Variants in BLTP1 observed in about 807,000 individuals in gnomAD.
BLTP1 encodes the protein fragile site-associated protein.
chr4:122,268,132 G>C, the BLTP1 span, among the ~76,000 whole-genome samples: 1 of 151,944 alleles, frequency 6.6e-6, no homozygotes, highest in Non-Finnish European at 1.5e-5. Context: ...GACATTGACA[G>C]TATTTGTAAA....
the BLTP1 span, among the ~76,000 whole-genome samples, chr4:122,182,116 A>G: frequency 6.6e-6 from 1 of 152,178 alleles, no homozygotes; most frequent in Admixed American, 6.6e-5. Flanking sequence ...AAAAATTATA[A>G]TATTTCTATT....
the BLTP1 span, chr4:122,257,233 A>C: frequency 6.2e-7 from 1 of 1,610,254 alleles, no homozygotes; most frequent in Non-Finnish European, 8.5e-7. Context: ...GATTACTTCT[A>C]ACCACATGAT....
At chr4:122,158,940 G>A in the BLTP1 span, among the ~76,000 whole-genome samples, 2 of 152,104 alleles carry the variant, frequency 1.3e-5, no homozygotes, top group South Asian at 4.1e-4. Flanking sequence ...AACCATTTTT[G>A]TAGCATAGAT....
the BLTP1 span, chr4:122,251,586 GCTGAGA>G: frequency 1.0e-6 from 1 of 985,150 alleles, no homozygotes. Context: ...GGACAAAAGA[GCTGAGA>G]AAAGCCTAGC....
chr4:122,224,461 C>G, the BLTP1 span: 1 of 1,580,266 alleles, frequency 6.3e-7, no homozygotes, highest in Non-Finnish European at 8.6e-7. Context: ...ATGTGATTTT[C>G]TTATACATTT....
the BLTP1 span, among the ~76,000 whole-genome samples, chr4:122,216,893 G>C: frequency 6.6e-6 from 1 of 151,966 alleles, no homozygotes; most frequent in African/African-American, 2.4e-5. Context: ...TTATGGTTTC[G>C]TGTCTTAGAT....
chr4:122,339,131 C>A, the BLTP1 span: 1 of 1,457,748 alleles, frequency 6.9e-7, no homozygotes, highest in Non-Finnish European at 9.3e-7. Flanking sequence ...TTTATTTGAA[C>A]ATTTCAATAT....
chr4:122,280,542 A>G, the BLTP1 span, among the ~76,000 whole-genome samples: 1 of 152,044 alleles, frequency 6.6e-6, no homozygotes, highest in Non-Finnish European at 1.5e-5. Flanking sequence ...AGGCATCTGT[A>G]ATCCCAACTA....
At chr4:122,292,668 A>T in the BLTP1 span, 2 of 785,094 alleles carry the variant, frequency 2.5e-6, no homozygotes, top group Non-Finnish European at 3.1e-6. Flanking sequence ...GATAATTAAA[A>T]AGCATGAATA....
At chr4:122,305,272 A>G in the BLTP1 span, 6 of 975,722 alleles carry the variant, frequency 6.1e-6, no homozygotes, top group Non-Finnish European at 7.3e-6. Context: ...TTTATTTCAA[A>G]GTCTTGTGCT....
At chr4:122,242,294 T>TA in the BLTP1 span, among the ~76,000 whole-genome samples, 1 of 152,020 alleles carries the variant, frequency 6.6e-6, no homozygotes, top group South Asian at 2.1e-4. Context: ...TCTTCTGCCA[T>TA]AAAAAAAGTA....
At chr4:122,236,962 G>T in the BLTP1 span, 1 of 985,268 alleles carries the variant, frequency 1.0e-6, no homozygotes, top group Non-Finnish European at 1.2e-6. Flanking sequence ...ATCAAGGAGG[G>T]CATATGGGTA....
the BLTP1 span, chr4:122,187,479 A>C: frequency 6.2e-7 from 1 of 1,612,256 alleles, no homozygotes; most frequent in African/African-American, 1.3e-5. Context: ...CATGGAGATC[A>C]CTTATTCCAG....
chr4:122,237,637 G>A, the BLTP1 span: 1 of 766,600 alleles, frequency 1.3e-6, no homozygotes, highest in Non-Finnish European at 1.6e-6. Flanking sequence ...CACTGTTTAT[G>A]GGCCTGGGAT....
At chr4:122,185,490 C>G in the BLTP1 span, 5 of 875,692 alleles carry the variant, frequency 5.7e-6, no homozygotes, top group Non-Finnish European at 6.9e-6. Context: ...TCATTAATTA[C>G]TATTGCTATT....
the BLTP1 span, chr4:122,314,285 T>TA: frequency 8.6e-4 from 229 of 265,776 alleles, no homozygotes; most frequent in South Asian, 1.6e-3. Context: ...TAGAGTTATA[T>TA]AAAAAAAAAG....
chr4:122,226,470 A>G, the BLTP1 span: 5 of 1,265,428 alleles, frequency 4.0e-6, no homozygotes, highest in African/African-American at 3.1e-5. Flanking sequence ...TTCAGTTGCA[A>G]TTAGTTTTCA....
chr4:122,249,694 T>G, the BLTP1 span: 29 of 1,613,188 alleles, frequency 1.8e-5, no homozygotes, highest in South Asian at 3.1e-4. Flanking sequence ...CAAGCATTTT[T>G]TATTGAATTC....
At chr4:122,336,502 C>A in the BLTP1 span, 1 of 757,670 alleles carries the variant, frequency 1.3e-6, no homozygotes, top group South Asian at 3.7e-5. Context: ...CTTGAGAGAT[C>A]ATCTAATTGT....
Sources: allele counts gnomAD v4.1 joint callset (sites outside exome capture counted in the v4.1 genomes callset), GRCh38; gene constraint gnomAD v4.1.1; transcripts MANE v1.5; gene names NCBI Gene and HGNC (gene_info 2026-07-23, HGNC 2026-07-21).